Variants in CCDC158 observed in about 807,000 individuals in gnomAD.
The protein encoded by CCDC158 is coiled-coil domain containing 158.
A neutral mutation model predicts 138.6 loss-of-function variants in CCDC158; 116 were observed. The ratio of observed to expected loss-of-function variants is 0.84; its 90% CI spans 0.72 to 0.98. CCDC158 has a LOEUF of 0.98. Among genes scored for constraint, CCDC158 ranks in the 50% least tolerant of loss-of-function variants. The pLI is 0.00. For synonymous variants in CCDC158, 436 were observed against 442.4 expected (o/e 0.99, Z 0.18); for missense variants, 1,265 against 1,306.1 (o/e 0.97, Z 0.48).
chr4:76,317,982 T>C (rs1719566078), intron 24 of CCDC158, among the ~76,000 whole-genome samples: 1 of 152,120 alleles, frequency 6.6e-6, no homozygotes, highest in East Asian at 1.9e-4. Context: ...ACACAATTTA[T>C]CATACCCTCT....
rs527559184 is a variant in CCDC158 at position 76,412,071 on chromosome 4, C to G, written c.-74+19G>C. On this transcript the variant is annotated intron_variant, in intron 2 of 24. Transcript: ENST00000682701. The stretch of plus-strand genomic sequence containing the variant: ...TGTTCACAATTCTTAAATATAACTA[C>G]AAGTAAAATAAAAGTTACCTTAACT... 2.7e-4 allele frequency: 41 copies of G among 152,244 alleles called. No homozygotes were observed. Among genetic ancestry groups the G allele is most frequent in the African/African-American group, 8.9e-4 (37 of 41,560 alleles). The allele number at this position is 152,244 out of a possible 1,614,324, so 9.4% of individuals were successfully genotyped here. A position where few individuals can be genotyped will look rare whatever the true frequency, so the allele number is the denominator to read the frequency against.
intron 2 of CCDC158, among the ~76,000 whole-genome samples, chr4:76,410,635 T>G (rs1055408841): frequency 7.2e-5 from 11 of 152,208 alleles, no homozygotes; most frequent in Non-Finnish European, 1.5e-4. Flanking sequence ...CTGATCTACA[T>G]TCTTCTAGAA....
intron 1 of CCDC158, among the ~76,000 whole-genome samples, chr4:76,418,223 C>A (rs557843150): frequency 1.7e-4 from 26 of 152,258 alleles, no homozygotes; most frequent in African/African-American, 5.1e-4. Context: ...GACTAAAACC[C>A]AACTCTGAAG....
At chr4:76,410,038 C>A in intron 2 of CCDC158, among the ~76,000 whole-genome samples, 1 of 152,062 alleles carries the variant, frequency 6.6e-6, no homozygotes. Context: ...GGTTCTGACT[C>A]CTGCTCCTTG....
intron 24 of CCDC158, among the ~76,000 whole-genome samples, chr4:76,319,251 A>C (rs562491767): frequency 6.7e-6 from 1 of 149,586 alleles, no homozygotes; most frequent in East Asian, 2.0e-4. Context: ...TAGCCTGGGC[A>C]ACAGAGCAAG....
chr4:76,352,893 T>A, intron 16 of CCDC158: 1 of 402,006 alleles, frequency 2.5e-6, no homozygotes, highest in Non-Finnish European at 4.4e-6. Flanking sequence ...CCTGTGACTA[T>A]GTTAGCCTGA....
chr4:76,370,493 A>G (rs1458301765), intron 10 of CCDC158, among the ~76,000 whole-genome samples: 1 of 152,196 alleles, frequency 6.6e-6, no homozygotes, highest in African/African-American at 2.4e-5. Context: ...TGAGTTGAAC[A>G]GTGACATCAT....
In CCDC158 at chr4:76,354,233, CAA is replaced by C. The variant is rs749565764; in HGVS notation, c.2287-954_2287-953del. On this transcript the variant is annotated intron_variant, in intron 15 of 24. Transcript: ENST00000682701. ...AAGCACTGCTTTAGGTTCCCAAAGGCAAAAAAAAAAAAAAAAAAAAAAAGGAG... is the reference window on the plus strand; with the variant it reads ...AAGCACTGCTTTAGGTTCCCAAAGGCAAAAAAAAAAAAAAAAAAAAAGGAG... 2.1e-3 allele frequency among the ~76,000 whole-genome samples: 133 copies of C among 63,912 alleles called. No homozygotes were observed. In the South Asian group the frequency reaches 0.049, roughly 24 times the overall value. 41.9% of individuals were successfully genotyped at this position (63,912 alleles called of 152,430 possible).
chr4:76,378,168 A>T (rs935966602), intron 9 of CCDC158, among the ~76,000 whole-genome samples: 3 of 152,130 alleles, frequency 2.0e-5, no homozygotes, highest in African/African-American at 7.2e-5. Context: ...TCCATGCGCG[A>T]GCCAAGTAGA....
At position 76,328,947 on chromosome 4, in the gene CCDC158, G is replaced by C. The variant is rs769633345; in HGVS notation, c.2963C>G (p.Ala988Gly). 8 of 1,613,778 alleles carry C rather than the reference G, an allele frequency of 5.0e-6. No individual in the cohort carries two copies. The highest frequency in any genetic ancestry group is 6.8e-6 in the Non-Finnish European group (8 of 1,179,714). ...ACCAGAGGGATCTTCCCTGTCTCCT[G>C]CGTGTAATGTGACTGGCTCTCTGGA... is the stretch of plus-strand genomic sequence containing the variant. The part of the protein sequence containing the change: ...TLSREPVTLH[A>G]GDREDPSGCF... The change falls in exon 22 of 25, where the codon GCA (alanine) becomes GGA (glycine). Residue 988 changes from alanine (A) to glycine (G), a missense_variant. Transcript: ENST00000682701.
chr4:76,418,600 G>A (rs1729873697), intron 1 of CCDC158, among the ~76,000 whole-genome samples: 1 of 152,158 alleles, frequency 6.6e-6, no homozygotes, highest in African/African-American at 2.4e-5. Context: ...GAAGAGCAAG[G>A]GAAGTCTTAT....
intron 1 of CCDC158, among the ~76,000 whole-genome samples, chr4:76,417,684 C>T (rs567651140): frequency 4.6e-5 from 7 of 152,270 alleles, no homozygotes; most frequent in Admixed American, 1.3e-4. Context: ...TTCCCACTCT[C>T]GGGTATGTCT....
intron 19 of CCDC158, 42 bp downstream of exon 19, chr4:76,333,968 T>C (rs1721229960): frequency 6.9e-7 from 1 of 1,441,098 alleles, no homozygotes; most frequent in Non-Finnish European, 9.4e-7. Flanking sequence ...GGCAAACCAT[T>C]CAAGAGATGA....
chr4:76,399,878 G>A lies in CCDC158; in HGVS notation c.70+3260C>T, dbSNP rs185487692. Among the ~76,000 whole-genome samples the A allele has an allele frequency of 4.1e-4, 62 of 152,244 alleles. No individual in the cohort carries two copies. In the East Asian group the frequency reaches 7.5e-3, roughly 19 times the overall value. On this transcript the variant is annotated intron_variant, in intron 3 of 24. Coordinates refer to ENST00000682701, the MANE Select transcript of CCDC158 (RefSeq NM_001394954.1). ...TGAAGGGGCAGAGGAGTTGACAGTG[G>A]GGGGTGAGAAGAAATGCATGGGTAG...
In CCDC158 at chr4:76,342,709, A is replaced by G. The variant is rs148289751; in HGVS notation, c.2664+8287T>C. ...GGGTAAAGAGGAAAGGACAGATAAT[A>G]ATAGATTAGTAATGCTAACAAAATT... On this transcript the variant is annotated intron_variant, in intron 18 of 24. Transcript: ENST00000682701. Among the ~76,000 whole-genome samples, 497 of 152,338 alleles carry G rather than the reference A, an allele frequency of 3.3e-3. 4 individuals are homozygous for G. The highest frequency in any genetic ancestry group is 0.011 in the African/African-American group (448 of 41,570).
chr4:76,332,455 G>A lies in CCDC158; in HGVS notation c.2859C>T (p.Ser953=), dbSNP rs755313230. The A allele has an allele frequency of 1.2e-6, 2 of 1,610,750 alleles. No individual in the cohort carries two copies. Among genetic ancestry groups the A allele is most frequent in the Admixed American group, 3.3e-5 (2 of 59,746 alleles). ...DRVRDCITES[S]LRSDMCHRSN... The stretch of plus-strand genomic sequence containing the variant: ...ACCTATGGCACATGTCTGATCTCAG[G>A]CTGGATTCAGTAATGCAATCTCTTA... The change falls in exon 20 of 25, where the codon AGC becomes AGT. Residue 953 remains serine, a synonymous_variant. Coordinates refer to ENST00000682701, the MANE Select transcript of CCDC158 (RefSeq NM_001394954.1).
chr4:76,409,254 T>C (rs1047200154), intron 2 of CCDC158, among the ~76,000 whole-genome samples: 1 of 152,156 alleles, frequency 6.6e-6, no homozygotes, highest in Non-Finnish European at 1.5e-5. Context: ...AATTGAAATA[T>C]TTTTCCTATT....
intron 4 of CCDC158, among the ~76,000 whole-genome samples, chr4:76,388,722 C>T (rs973348426): frequency 6.6e-6 from 1 of 152,116 alleles, no homozygotes; most frequent in African/African-American, 2.4e-5. Flanking sequence ...TCAGGTCTGA[C>T]CCATCACATT....
intron 9 of CCDC158, among the ~76,000 whole-genome samples, chr4:76,373,923 G>A (rs1162046861): frequency 6.6e-6 from 1 of 152,126 alleles, no homozygotes; most frequent in Admixed American, 6.6e-5. Flanking sequence ...GGAGACTGAG[G>A]TGGGAGGATC....
Sources: gnomAD v4.1 joint callset for allele counts (sites outside exome capture counted in the v4.1 genomes callset) on GRCh38, gnomAD v4.1.1 for gene constraint, MANE v1.5 for transcripts, NCBI Gene and HGNC (gene_info 2026-07-23, HGNC 2026-07-21) for gene names.